The following PCDHAC2 variants were observed in gnomAD, a reference collection of about 807,000 sequenced individuals.
PCDHAC2 encodes protocadherin alpha subfamily C, 2.
A neutral mutation model predicts 63.3 loss-of-function variants in PCDHAC2; 24 were observed. The observed-to-expected ratio is 0.38, with a 90% confidence interval of 0.27 to 0.53. PCDHAC2 has a LOEUF of 0.53. Among genes scored for constraint, PCDHAC2 ranks in the 20% least tolerant of loss-of-function variants. PCDHAC2 has a pLI of 0.81. For missense variants in PCDHAC2, 1,181 were observed against 1,275.2 expected (o/e 0.93, Z 1.12); for synonymous variants, 569 against 529.4 (o/e 1.07, Z -1.03).
Position 140,966,678 on chromosome 5 carries a change from C to T in PCDHAC2, c.-89C>T. ...GTGGGGGAGCAGGCGCAGGGTGGCA[C>T]GAGCGGAGGCGGGGCCCGGGCGTGG... On this transcript the variant is annotated 5_prime_UTR_variant, in exon 1 of 4. It adds an upstream start codon to the 5' untranslated region. Coordinates refer to ENST00000289269, the MANE Select transcript of PCDHAC2 (RefSeq NM_018899.6). The T allele has an allele frequency of 3.8e-6, 5 of 1,313,350 alleles. No homozygotes were observed. The highest frequency in any genetic ancestry group is 3.6e-5 in the South Asian group (2 of 55,224). The allele number at this position is 1,313,350 out of a possible 1,614,324, so 81.4% of individuals were successfully genotyped here.
At chr5:140,976,971 C>A (rs2096740170) in intron 1 of PCDHAC2, among the ~76,000 whole-genome samples, 1 of 152,138 alleles carries the variant, frequency 6.6e-6, no homozygotes, top group Non-Finnish European at 1.5e-5. Flanking sequence ...TTTCCTTTTC[C>A]CTGCCTGATC....
At chr5:140,977,284 G>T (rs1377580391) in intron 1 of PCDHAC2, among the ~76,000 whole-genome samples, 1 of 152,210 alleles carries the variant, frequency 6.6e-6, no homozygotes, top group Admixed American at 6.5e-5. Flanking sequence ...TCAAAGGAAG[G>T]TTCTCTCAGC....
intron 1 of PCDHAC2, among the ~76,000 whole-genome samples, chr5:140,977,625 T>A (rs2096768746): frequency 6.6e-6 from 1 of 152,144 alleles, no homozygotes; most frequent in Non-Finnish European, 1.5e-5. Flanking sequence ...ATCCCAGAGT[T>A]GTAACTTTTT....
At chr5:140,982,439 G>T in intron 2 of PCDHAC2, 36 bp from the exon 3 acceptor site, 1 of 1,613,560 alleles carries the variant, frequency 6.2e-7, no homozygotes, top group Non-Finnish European at 8.5e-7. Context: ...AAGAATTTAT[G>T]ATCTAACCGT....
intron 3 of PCDHAC2, among the ~76,000 whole-genome samples, chr5:140,993,561 T>C (rs1282310511): frequency 6.6e-6 from 1 of 151,800 alleles, no homozygotes; most frequent in Non-Finnish European, 1.5e-5. Flanking sequence ...GTATATAGTA[T>C]CCTTTCTAGG....
intron 2 of PCDHAC2, among the ~76,000 whole-genome samples, chr5:140,979,612 G>A (rs1223690856): frequency 6.6e-6 from 1 of 152,042 alleles, no homozygotes; most frequent in Admixed American, 6.6e-5. Flanking sequence ...CTAGAGTAAC[G>A]GTATTAGTCT....
Position 140,967,073 on chromosome 5 carries a change from G to C in PCDHAC2, c.307G>C (p.Glu103Gln), listed in dbSNP as rs1554229137. 1 of 1,613,160 alleles carries C rather than the reference G, an allele frequency of 6.2e-7. No homozygotes were observed. The highest frequency in any genetic ancestry group is 8.5e-7 in the Non-Finnish European group (1 of 1,179,732). Residue 103 changes from glutamate to glutamine, a missense_variant, in exon 1 of 4, where the codon GAG becomes CAG. Physicochemically the swap from Glu to Gln is conservative, Grantham distance 29. Around this residue, in one of 3 missense-constraint regions of PCDHAC2, gnomAD observed 210 missense variants for 184.9 expected, o/e 1.14. Transcript: ENST00000289269. ...GACGAGTGGAGCGCTCTTCGTCAAC[G>C]AGCGCATTGATCGGGAGGCGCTGTG... ...DLTSGALFVN[E>Q]RIDREALCEQ...
chr5:140,975,156 G>A (rs1404839334), intron 1 of PCDHAC2, among the ~76,000 whole-genome samples: 15 of 152,174 alleles, frequency 9.9e-5, no homozygotes, highest in Non-Finnish European at 2.1e-4. Context: ...AGTTCCTAGA[G>A]AACTGAGGAC....
At chr5:140,991,595 C>G (rs181014489) in intron 3 of PCDHAC2, among the ~76,000 whole-genome samples, 1 of 152,328 alleles carries the variant, frequency 6.6e-6, no homozygotes, top group African/African-American at 2.4e-5. Flanking sequence ...TACCTGAGCC[C>G]TCACTGGCAG....
intron 3 of PCDHAC2, among the ~76,000 whole-genome samples, chr5:141,006,417 G>A (rs1010340395): frequency 6.6e-6 from 1 of 152,030 alleles, no homozygotes; most frequent in Admixed American, 6.6e-5. Flanking sequence ...GTTTCACTGT[G>A]TTAGCCAGGA....
intron 2 of PCDHAC2, among the ~76,000 whole-genome samples, chr5:140,981,681 C>T (rs1187108666): frequency 6.6e-6 from 1 of 152,064 alleles, no homozygotes; most frequent in Non-Finnish European, 1.5e-5. Context: ...TTCCTTCCTC[C>T]CTTCCATCAT....
At chr5:140,997,206 T>A (rs2097763489) in intron 3 of PCDHAC2, among the ~76,000 whole-genome samples, 1 of 152,118 alleles carries the variant, frequency 6.6e-6, no homozygotes, top group Non-Finnish European at 1.5e-5. Context: ...ATTGACATCA[T>A]TATTGAAACT....
chr5:140,969,600 C>CTAAAACACA, intron 1 of PCDHAC2: 1 of 778,552 alleles, frequency 1.3e-6, no homozygotes, highest in South Asian at 2.1e-5. Flanking sequence ...ATATTTAATG[C>CTAAAACACA]TAAAACACAG....
At position 141,011,042 on chromosome 5, in the gene PCDHAC2, T is replaced by G. The variant is rs915588789; in HGVS notation, c.*1105T>G. 6.5e-6 allele frequency: 1 copy of G among 153,796 alleles called. No individual in the cohort carries two copies. The highest frequency in any genetic ancestry group is 2.4e-5 in the African/African-American group (1 of 41,464). The allele number at this position is 153,796 out of a possible 1,614,324, so 9.5% of individuals were successfully genotyped here. A position where few individuals can be genotyped will look rare whatever the true frequency, so the allele number is the denominator to read the frequency against. On this transcript the variant is annotated 3_prime_UTR_variant, in exon 4 of 4. Transcript: ENST00000289269. ...TCACAGCTTTACTCTTTCAGGTCACTCTGGGGCTGCCTCTTGCATGTATTA... is the reference window on the plus strand; with the variant it reads ...TCACAGCTTTACTCTTTCAGGTCACGCTGGGGCTGCCTCTTGCATGTATTA...
chr5:140,992,698 A>G (rs764226558), intron 3 of PCDHAC2, among the ~76,000 whole-genome samples: 4 of 152,094 alleles, frequency 2.6e-5, no homozygotes, highest in Non-Finnish European at 4.4e-5. Flanking sequence ...GGGGTGGGTA[A>G]TGTTCCTGCC....
At chr5:140,974,905 A>G (rs1276795577) in intron 1 of PCDHAC2, among the ~76,000 whole-genome samples, 2 of 152,208 alleles carry the variant, frequency 1.3e-5, no homozygotes, top group African/African-American at 4.8e-5. Context: ...TTTGTAACAA[A>G]TTACCACAAG....
chr5:140,991,968 C>A (rs80040458), intron 3 of PCDHAC2, among the ~76,000 whole-genome samples: 1,562 of 151,686 alleles, frequency 0.01, 27 homozygotes, highest in African/African-American at 0.036. Context: ...TTTGGTGGGG[C>A]CATTATTCTG....
rs79336587 is a variant in PCDHAC2 at position 140,997,550 on chromosome 5, C to T, written c.2714-12077C>T. Reference sequence around the variant, plus strand: ...ATAAAAATACATTATTATAATCTTACAGGACAACTGTCATATGTGTGGTCC... The same window carrying T: ...ATAAAAATACATTATTATAATCTTATAGGACAACTGTCATATGTGTGGTCC... On this transcript the variant is annotated intron_variant, in intron 3 of 3. Coordinates refer to ENST00000289269, the MANE Select transcript of PCDHAC2 (RefSeq NM_018899.6). Among the ~76,000 whole-genome samples, 1,283 of 152,208 alleles carry T rather than the reference C, an allele frequency of 8.4e-3. 21 individuals carry two copies. The highest frequency in any genetic ancestry group is 0.029 in the African/African-American group (1,211 of 41,522).
In PCDHAC2 at chr5:141,010,032, T is replaced by C. The variant is rs529237892; in HGVS notation, c.*95T>C. 6.3e-7 allele frequency: 1 copy of C among 1,582,368 alleles called. No individual in the cohort carries two copies. Among genetic ancestry groups the C allele is most frequent in the African/African-American group, 1.4e-5 (1 of 73,468 alleles). On this transcript the variant is annotated 3_prime_UTR_variant, in exon 4 of 4. Transcript: ENST00000289269. ...TCCCTGCTCCTTTTTCCTATCTACA[T>C]GAGCCCTCTTAGAGACCTCAGAAAT...
Sources: gnomAD v4.1 joint callset for allele counts (sites outside exome capture counted in the v4.1 genomes callset) on GRCh38, gnomAD v4.1.1 for gene constraint, gnomAD v4.1.1 regional missense constraint, MANE v1.5 for transcripts, NCBI Gene and HGNC (gene_info 2026-07-23, HGNC 2026-07-21) for gene names.